Variants in CEP63 observed in about 807,000 individuals in gnomAD.
CEP63 encodes centrosomal protein 63, also known as centrosomal protein of 63 kDa.
CEP63 carries 84 observed loss-of-function variants against 89.1 expected under a neutral mutation model. The observed-to-expected ratio is 0.94, with a 90% CI of 0.79 to 1.13. The LOEUF (loss-of-function observed/expected upper bound fraction) is 1.13. Among genes scored for constraint, CEP63 ranks in the 50% most tolerant of loss-of-function variants. The pLI is 0.00. For missense variants in CEP63, 838 were observed against 813.3 expected, an observed-to-expected ratio of 1.03 and a Z score of -0.37; for synonymous variants, 267 against 272.5, an observed-to-expected ratio of 0.98 and a Z score of 0.20.
At chr3:134,656,933 A>T in the CEP63 span, among the ~76,000 whole-genome samples, 4 of 152,220 alleles carry the variant, frequency 2.6e-5, no homozygotes, top group Admixed American at 2.0e-4. Flanking sequence ...TCATCCCACC[A>T]TCTAGAGATA....
At chr3:134,729,234 A>G in the CEP63 span, among the ~76,000 whole-genome samples, 99 of 152,112 alleles carry the variant, frequency 6.5e-4, no homozygotes, top group African/African-American at 2.3e-3. Context: ...GCTAGCAACA[A>G]CTCCCATCCT....
chr3:134,668,087 A>G, the CEP63 span, among the ~76,000 whole-genome samples: 1 of 152,136 alleles, frequency 6.6e-6, no homozygotes, highest in Non-Finnish European at 1.5e-5. Context: ...TCATGCTCCG[A>G]CCAGCATTGG....
the CEP63 span, among the ~76,000 whole-genome samples, chr3:134,751,589 C>T: frequency 6.6e-6 from 1 of 152,102 alleles, no homozygotes; most frequent in Non-Finnish European, 1.5e-5. Flanking sequence ...CTGTTGGGAG[C>T]ACTCATAGAT....
chr3:134,685,425 T>C, the CEP63 span, among the ~76,000 whole-genome samples: 4 of 152,216 alleles, frequency 2.6e-5, no homozygotes, highest in East Asian at 1.9e-4. Context: ...GGGATTCTTA[T>C]GTGTTTTTAT....
intron 1 of CEP63, chr3:134,486,489 C>G (rs1186424287): frequency 1.0e-6 from 1 of 985,610 alleles, no homozygotes; most frequent in Non-Finnish European, 1.2e-6. Flanking sequence ...GCGTGGGGTT[C>G]GGCCCCGCCA....
intron 3 of CEP63, among the ~76,000 whole-genome samples, chr3:134,525,722 T>A (rs1275148976): frequency 2.6e-5 from 4 of 152,214 alleles, no homozygotes; most frequent in African/African-American, 9.6e-5. Context: ...ATAATGAAAT[T>A]CTGGGTTGAA....
chr3:134,564,755 A>G lies in CEP63; in HGVS notation c.*3220A>G, dbSNP rs557042772. Reference sequence around the variant, plus strand: ...GATTTCTGAGTTTTAGACAGTCCCAAGCTTCAGCTTAAAATCTGTAGACTG... The same window carrying G: ...GATTTCTGAGTTTTAGACAGTCCCAGGCTTCAGCTTAAAATCTGTAGACTG... On this transcript the variant is annotated 3_prime_UTR_variant, in exon 15 of 15. Coordinates refer to ENST00000675561, the MANE Select transcript of CEP63 (RefSeq NM_001353108.3). The G allele has an allele frequency of 3.2e-5, 32 of 985,448 alleles. No individual in the cohort carries two copies. In the South Asian group the frequency reaches 8.5e-4, roughly 26 times the overall value. The allele number at this position is 985,448 out of a possible 1,614,324, so 61.0% of individuals were successfully genotyped here.
At chr3:134,739,765 A>G in the CEP63 span, among the ~76,000 whole-genome samples, 2 of 151,682 alleles carry the variant, frequency 1.3e-5, no homozygotes, top group African/African-American at 4.9e-5. Flanking sequence ...TGGTATACAC[A>G]AAATCCAGGT....
chr3:134,557,383 T>G lies in CEP63; in HGVS notation c.1468-759T>G, dbSNP rs1028734852. 7.4e-5 allele frequency among the ~76,000 whole-genome samples: 8 copies of G among 107,992 alleles called. 1 individual carries two copies. Among genetic ancestry groups the G allele is most frequent in the African/African-American group, 2.7e-4 (8 of 29,942 alleles). 70.8% of individuals were successfully genotyped at this position (107,992 alleles called of 152,430 possible). ...AGCTTACTTTCATAATTTGTTTTTT[T>G]TTTTTTTTTTTTTTTTTTTTTACAG... is the stretch of plus-strand genomic sequence containing the variant. On this transcript the variant is annotated intron_variant, in intron 12 of 14. Transcript: ENST00000675561.
the CEP63 span, among the ~76,000 whole-genome samples, chr3:134,690,169 T>C: frequency 0.91 from 137,856 of 152,148 alleles, 63,170 homozygotes; most frequent in East Asian, 1. Context: ...ATATTAATCT[T>C]AAACTTGAAA....
chr3:134,543,961 T>TAAAA (rs10718830), intron 6 of CEP63, among the ~76,000 whole-genome samples: 1 of 147,806 alleles, frequency 6.8e-6, no homozygotes. Context: ...GGGATCTGGT[T>TAAAA]AAAAAAAAAA....
the CEP63 span, among the ~76,000 whole-genome samples, chr3:134,685,307 C>T: frequency 6.6e-6 from 1 of 152,076 alleles, no homozygotes; most frequent in Non-Finnish European, 1.5e-5. Flanking sequence ...AGACCCCTTG[C>T]AGAGCTTTGG....
At chr3:134,601,658 G>T in the CEP63 span, among the ~76,000 whole-genome samples, 1 of 152,362 alleles carries the variant, frequency 6.6e-6, no homozygotes, top group African/African-American at 2.4e-5. Context: ...GGTGGCCTCG[G>T]TGGCAGAGAC....
chr3:134,588,571 A>G (rs552492675), downstream of CEP63, among the ~76,000 whole-genome samples: 2 of 152,340 alleles, frequency 1.3e-5, no homozygotes, highest in Admixed American at 1.3e-4. Flanking sequence ...TGTGCAATTG[A>G]AGTTGTGCTC....
the CEP63 span, among the ~76,000 whole-genome samples, chr3:134,691,730 A>T: frequency 2.0e-5 from 3 of 152,050 alleles, no homozygotes; most frequent in Non-Finnish European, 4.4e-5. Flanking sequence ...AGTAAAGAGA[A>T]TGGCATTCTT....
At chr3:134,580,075 ATC>A (rs1958308351) in intron 10 of CEP63, among the ~76,000 whole-genome samples, 1 of 152,022 alleles carries the variant, frequency 6.6e-6, no homozygotes, top group Non-Finnish European at 1.5e-5. Context: ...GGTGCCTGTA[ATC>A]CCAGCTACTG....
the CEP63 span, among the ~76,000 whole-genome samples, chr3:134,725,837 G>A: frequency 1.3e-5 from 2 of 152,150 alleles, no homozygotes; most frequent in Non-Finnish European, 2.9e-5. Flanking sequence ...CTGAACAGTG[G>A]TGGCCAAGAT....
the CEP63 span, among the ~76,000 whole-genome samples, chr3:134,711,090 T>A: frequency 2.0e-5 from 3 of 152,208 alleles, no homozygotes; most frequent in African/African-American, 2.4e-5. Flanking sequence ...CCCTCCACTC[T>A]TCTCTTCCCC....
intron 6 of CEP63, among the ~76,000 whole-genome samples, chr3:134,542,030 T>C (rs1952150286): frequency 6.6e-6 from 1 of 152,106 alleles, no homozygotes; most frequent in Admixed American, 6.5e-5. Flanking sequence ...AAAGGAAATG[T>C]TCAAGGAAAT....
Sources: gnomAD v4.1 joint callset for allele counts (sites outside exome capture counted in the v4.1 genomes callset) on GRCh38, gnomAD v4.1.1 for gene constraint, MANE v1.5 for transcripts, NCBI Gene and HGNC (gene_info 2026-07-23, HGNC 2026-07-21) for gene names.